Variants in FRMPD4 observed in about 807,000 individuals in gnomAD.
The protein encoded by FRMPD4 is FERM and PDZ domain-containing protein 4.
A neutral mutation model predicts 94.1 loss-of-function variants in FRMPD4; 22 were observed. The observed-to-expected ratio is 0.23, with a 90% CI of 0.17 to 0.33. FRMPD4 has a LOEUF of 0.33. Among genes scored for constraint, FRMPD4 ranks in the 10% least tolerant of loss-of-function variants. The pLI is 1.00. For missense variants in FRMPD4, 1,111 were observed against 1,339.9 expected, an observed-to-expected ratio of 0.83 and a Z score of 2.67; for synonymous variants, 631 against 548.6, an observed-to-expected ratio of 1.15 and a Z score of -2.10.
At chrX:11,864,917 A>C (rs1212329167) in intron 1 of FRMPD4, among the ~76,000 whole-genome samples, 1 of 111,900 alleles carries the variant, frequency 8.9e-6, no homozygotes, top group Non-Finnish European at 1.9e-5. Context: ...CATAAAATTG[A>C]CCATTATTTA....
At chrX:12,052,889 C>A (rs1426394491) in intron 3 of FRMPD4, among the ~76,000 whole-genome samples, 1 of 111,590 alleles carries the variant, frequency 9.0e-6, no homozygotes, top group East Asian at 2.8e-4. Flanking sequence ...GGCCAAGAAC[C>A]AAGCTATCAA....
chrX:12,046,090 T>TA (rs1228859034), intron 3 of FRMPD4, among the ~76,000 whole-genome samples: 1 of 110,984 alleles, frequency 9.0e-6, no homozygotes, highest in African/African-American at 3.3e-5. Context: ...ATCTTGAATA[T>TA]AAAAAGGACT....
intron 1 of FRMPD4, among the ~76,000 whole-genome samples, chrX:12,215,385 A>G (rs1569194523): frequency 9.1e-6 from 1 of 110,257 alleles, no homozygotes. Flanking sequence ...ACACACCCCA[A>G]CTTCTTCTTC....
chrX:12,213,300 T>C (rs779319037), intron 1 of FRMPD4, among the ~76,000 whole-genome samples: 5 of 112,173 alleles, frequency 4.5e-5, no homozygotes, highest in Non-Finnish European at 7.5e-5. Flanking sequence ...AATTATCTTA[T>C]CGTTAATGCT....
chrX:12,358,569 A>AC (rs1349071930), intron 1 of FRMPD4, among the ~76,000 whole-genome samples: 1 of 110,588 alleles, frequency 9.0e-6, no homozygotes, highest in African/African-American at 3.3e-5. Context: ...GTGCATAAAG[A>AC]CCCCCCAAAA....
At chrX:12,436,254 C>G (rs190934838) in intron 1 of FRMPD4, among the ~76,000 whole-genome samples, 94 of 111,724 alleles carry the variant, frequency 8.4e-4, no homozygotes, top group Admixed American at 6.7e-3. Context: ...ATCCACCCAC[C>G]TCAGCCTCCC....
chrX:12,591,182 C>G (rs755059845), intron 2 of FRMPD4, among the ~76,000 whole-genome samples: 1 of 112,018 alleles, frequency 8.9e-6, no homozygotes, highest in East Asian at 2.8e-4. Flanking sequence ...GATTAGCACA[C>G]ATTTTGTATA....
intron 4 of FRMPD4, among the ~76,000 whole-genome samples, chrX:12,646,814 G>A (rs185249185): frequency 1.4e-4 from 16 of 112,096 alleles, no homozygotes; most frequent in Non-Finnish European, 3.0e-4. Context: ...CTATGTATAC[G>A]AAAGTTACCA....
At chrX:11,822,937 G>A (rs1472696725) in intron 1 of FRMPD4, among the ~76,000 whole-genome samples, 6 of 111,592 alleles carry the variant, frequency 5.4e-5, no homozygotes, top group Non-Finnish European at 9.4e-5. Flanking sequence ...AACTAAACTT[G>A]TTTTCTGATG....
intron 3 of FRMPD4, among the ~76,000 whole-genome samples, chrX:11,989,590 G>T (rs2054452552): frequency 9.1e-6 from 1 of 110,294 alleles, no homozygotes; most frequent in African/African-American, 3.3e-5. Context: ...GTACAATGAG[G>T]TGACTATAGT....
chrX:11,837,761 G>A (rs186401559), intron 1 of FRMPD4, among the ~76,000 whole-genome samples: 56 of 111,670 alleles, frequency 5.0e-4, no homozygotes, highest in African/African-American at 1.7e-3. Flanking sequence ...TCTTGTGTAT[G>A]TTTAAGGAAT....
intron 3 of FRMPD4, among the ~76,000 whole-genome samples, chrX:11,886,425 G>C (rs1451451710): frequency 9.0e-6 from 1 of 111,308 alleles, no homozygotes; most frequent in East Asian, 2.8e-4. Flanking sequence ...AAAGCAAACA[G>C]AGATGTCAGA....
chrX:12,345,441 A>G (rs1177480575), intron 1 of FRMPD4, among the ~76,000 whole-genome samples: 1 of 111,721 alleles, frequency 9.0e-6, no homozygotes, highest in Non-Finnish European at 1.9e-5. Flanking sequence ...TTTTTCTAGC[A>G]AATTCAGAAA....
At chrX:11,932,709 T>A (rs1251577332) in intron 3 of FRMPD4, among the ~76,000 whole-genome samples, 1 of 110,170 alleles carries the variant, frequency 9.1e-6, no homozygotes, top group African/African-American at 3.3e-5. Flanking sequence ...AAAAAAGATT[T>A]GAACTTGAAT....
intron 10 of FRMPD4, among the ~76,000 whole-genome samples, chrX:12,704,003 A>G (rs2147143754): frequency 8.9e-6 from 1 of 112,143 alleles, no homozygotes; most frequent in East Asian, 2.8e-4. Flanking sequence ...GAAATCAACA[A>G]AGGGATGGAG....
intron 3 of FRMPD4, among the ~76,000 whole-genome samples, chrX:12,069,372 G>A (rs187591916): frequency 1.8e-5 from 2 of 111,340 alleles, no homozygotes; most frequent in Non-Finnish European, 3.8e-5. Flanking sequence ...AGTATCACCC[G>A]GTTTGCTACA....
chrX:12,015,380 T>C (rs2054599854), intron 3 of FRMPD4, among the ~76,000 whole-genome samples: 1 of 111,873 alleles, frequency 8.9e-6, no homozygotes, highest in Non-Finnish European at 1.9e-5. Flanking sequence ...TCGATAATTC[T>C]TTTGTGATCA....
At chrX:12,255,533 G>A (rs1050350507) in intron 1 of FRMPD4, among the ~76,000 whole-genome samples, 2 of 111,956 alleles carry the variant, frequency 1.8e-5, no homozygotes, top group African/African-American at 6.5e-5. Flanking sequence ...GAAGCATTGT[G>A]TTTCTGAATA....
chrX:12,333,893 T>C (rs905933103), intron 1 of FRMPD4, among the ~76,000 whole-genome samples: 1 of 112,245 alleles, frequency 8.9e-6, no homozygotes, highest in African/African-American at 3.2e-5. Flanking sequence ...CAGAAGACTA[T>C]ACTAATGTCC....
Sources: allele counts gnomAD v4.1 joint callset (sites outside exome capture counted in the v4.1 genomes callset), GRCh38; gene constraint gnomAD v4.1.1; transcripts MANE v1.5; gene names NCBI Gene and HGNC (gene_info 2026-07-23, HGNC 2026-07-21).